The following BIN3 variants were observed in gnomAD, a reference collection of about 807,000 sequenced individuals.
BIN3 encodes the protein bridging integrator 3.
Under a neutral mutation model 38.2 loss-of-function variants are expected in BIN3, and 41 were observed. The observed-to-expected ratio is 1.07, with a 90% CI of 0.84 to 1.39. The LOEUF (loss-of-function observed/expected upper bound fraction) is 1.39, where lower values mean the gene tolerates loss of function less well. Among genes scored for constraint, BIN3 ranks in the 40% most tolerant of loss-of-function variants. The pLI, the probability that BIN3 is intolerant of heterozygous loss-of-function variation, is 0.00. For missense variants in BIN3, 361 were observed against 324.3 expected, an observed-to-expected ratio of 1.11 and a Z score of -0.87; for synonymous variants, 145 against 122.6, an observed-to-expected ratio of 1.18 and a Z score of -1.21.
intron 1 of BIN3, among the ~76,000 whole-genome samples, chr8:22,659,653 A>G (rs938990872): frequency 2.2e-4 from 33 of 152,240 alleles, no homozygotes; most frequent in African/African-American, 7.2e-5. Flanking sequence ...CAGGAGAAAC[A>G]GCGCAGTAGA....
intron 8 of BIN3, among the ~76,000 whole-genome samples, chr8:22,621,878 G>A (rs1455293940): frequency 1.3e-5 from 2 of 152,238 alleles, no homozygotes; most frequent in Non-Finnish European, 2.9e-5. Context: ...CACCATGACT[G>A]GAGTTTTACT....
intron 1 of BIN3, among the ~76,000 whole-genome samples, chr8:22,666,870 C>G (rs1037377808): frequency 6.6e-6 from 1 of 152,144 alleles, no homozygotes; most frequent in African/African-American, 2.4e-5. Flanking sequence ...GATGGCTCTA[C>G]GTCACTCTGG....
chr8:22,645,942 T>C (rs190307285), intron 1 of BIN3, among the ~76,000 whole-genome samples: 1 of 152,326 alleles, frequency 6.6e-6, no homozygotes, highest in Admixed American at 6.5e-5. Flanking sequence ...GGACTTGCTA[T>C]GAAGAGCTGC....
At chr8:22,635,191 C>T (rs1802329717) in intron 4 of BIN3, among the ~76,000 whole-genome samples, 1 of 152,162 alleles carries the variant, frequency 6.6e-6, no homozygotes, top group Non-Finnish European at 1.5e-5. Context: ...GGATCACGTC[C>T]CCACGAAGGC....
At chr8:22,634,482 G>A in intron 4 of BIN3, 1 of 456,288 alleles carries the variant, frequency 2.2e-6, no homozygotes, top group Non-Finnish European at 4.4e-6. Flanking sequence ...GTGCTTTGTA[G>A]GAAAGGTGTG....
At chr8:22,635,388 C>T (rs111301970) in intron 4 of BIN3, among the ~76,000 whole-genome samples, 3,685 of 152,210 alleles carry the variant, frequency 0.024, 141 homozygotes, top group African/African-American at 0.083. Flanking sequence ...TCTCGGTCAG[C>T]ATCTGCTGAG....
chr8:22,623,839 C>A, intron 8 of BIN3, 76 bp downstream of exon 8: 11 of 1,518,784 alleles, frequency 7.2e-6, no homozygotes, highest in South Asian at 2.5e-5. Context: ...GCTAAGCCAC[C>A]CTTCCAGTGT....
At position 22,621,326 on chromosome 8, in the gene BIN3, C is replaced by G; in HGVS notation, c.*96G>C. On this transcript the variant is annotated 3_prime_UTR_variant, in exon 9 of 9. Transcript: ENST00000276416. The stretch of plus-strand genomic sequence containing the variant: ...GCCGGCAAGTGAACCAGGGCCACCT[C>G]TGTCCCCAGCCTGTGAGAGGAGCAG... 2 of 1,466,278 alleles carry G rather than the reference C, an allele frequency of 1.4e-6. No homozygotes were observed. Among genetic ancestry groups the G allele is most frequent in the Non-Finnish European group, 9.1e-7 (1 of 1,096,372 alleles). The allele number at this position is 1,466,278 out of a possible 1,614,324, so 90.8% of individuals were successfully genotyped here.
intron 1 of BIN3, among the ~76,000 whole-genome samples, chr8:22,668,415 A>G (rs971680014): frequency 6.6e-6 from 1 of 152,226 alleles, no homozygotes; most frequent in East Asian, 1.9e-4. Context: ...GATAGTTCCC[A>G]TAAGTTTAAA....
intron 1 of BIN3, among the ~76,000 whole-genome samples, chr8:22,646,358 T>C (rs1373621347): frequency 1.3e-5 from 2 of 152,134 alleles, no homozygotes; most frequent in Admixed American, 1.3e-4. Context: ...GTTTCCACAA[T>C]GCACCAGACC....
chr8:22,651,987 GT>G (rs35335976), intron 1 of BIN3, among the ~76,000 whole-genome samples: 2,425 of 137,888 alleles, frequency 0.018, 61 homozygotes, highest in African/African-American at 0.057. Context: ...CTTCTACCAA[GT>G]TTTTTTTTTT....
intron 8 of BIN3, among the ~76,000 whole-genome samples, chr8:22,622,069 G>A (rs565002284): frequency 6.5e-4 from 99 of 152,314 alleles, no homozygotes; most frequent in Admixed American, 2.2e-3. Flanking sequence ...CCCAAGCTGC[G>A]TGGCCAGGGG....
chr8:22,624,393 C>T (rs773195879), intron 6 of BIN3, 30 bp from the exon 7 acceptor site: 20 of 1,603,028 alleles, frequency 1.2e-5, no homozygotes, highest in Middle Eastern at 3.3e-4. Flanking sequence ...GAGATGGGCC[C>T]GTTCTTGAAG....
intron 6 of BIN3, chr8:22,629,757 C>T: frequency 5.0e-6 from 3 of 594,562 alleles, no homozygotes; most frequent in Non-Finnish European, 9.0e-6. Flanking sequence ...GTACCCTGAG[C>T]TCGCCTGGGC....
chr8:22,630,812 G>A (rs937135424), intron 4 of BIN3, among the ~76,000 whole-genome samples: 3 of 152,236 alleles, frequency 2.0e-5, no homozygotes, highest in African/African-American at 7.2e-5. Flanking sequence ...CGCTTTACCT[G>A]TTCTCCAAAC....
chr8:22,625,281 G>A (rs1260219133), intron 6 of BIN3: 38 of 701,312 alleles, frequency 5.4e-5, no homozygotes, highest in Admixed American at 8.0e-5. Flanking sequence ...GCTGGCCCTC[G>A]GTGCAATGGC....
intron 6 of BIN3, chr8:22,625,586 A>G (rs768462258): frequency 3.0e-5 from 18 of 599,754 alleles, no homozygotes; most frequent in Non-Finnish European, 5.1e-5. Context: ...CTCAAAGGAC[A>G]TGACCAGGAA....
intron 1 of BIN3, among the ~76,000 whole-genome samples, chr8:22,645,050 T>A (rs1295567575): frequency 6.6e-6 from 1 of 152,032 alleles, no homozygotes; most frequent in Non-Finnish European, 1.5e-5. Context: ...TCTTTGCTAC[T>A]GATAGTCTGT....
At chr8:22,638,324 C>T (rs1159833718) in intron 2 of BIN3, among the ~76,000 whole-genome samples, 4 of 152,202 alleles carry the variant, frequency 2.6e-5, no homozygotes, top group East Asian at 1.9e-4. Context: ...ATGAGGAGCC[C>T]GAAGCCCAGA....
Sources: gnomAD v4.1 joint callset for allele counts (sites outside exome capture counted in the v4.1 genomes callset) on GRCh38, gnomAD v4.1.1 for gene constraint, MANE v1.5 for transcripts, NCBI Gene and HGNC (gene_info 2026-07-23, HGNC 2026-07-21) for gene names.